Variants in KBTBD8 observed in about 807,000 individuals in gnomAD.
The protein encoded by KBTBD8 is kelch repeat and BTB domain-containing protein 8.
In KBTBD8, 31 loss-of-function variants were observed where a neutral mutation model predicts 53.5. That is an observed-to-expected ratio of 0.58 (90% CI 0.44 to 0.78). The LOEUF (loss-of-function observed/expected upper bound fraction) is 0.78, where lower values mean the gene tolerates loss of function less well. Among genes scored for constraint, KBTBD8 ranks in the 30% least tolerant of loss-of-function variants. KBTBD8 has a pLI of 0.00. For missense variants in KBTBD8, 642 were observed against 735.8 expected (o/e 0.87, Z 1.48); for synonymous variants, 250 against 247.3 (o/e 1.01, Z -0.10).
At chr3:67,001,000 GA>G (rs1292314430) in intron 2 of KBTBD8, among the ~76,000 whole-genome samples, 5 of 151,804 alleles carry the variant, frequency 3.3e-5, no homozygotes, top group African/African-American at 1.2e-4. Context: ...TGAAGACCTG[GA>G]AAAAAATTTT....
rs369968176 is a variant in KBTBD8, at chr3:67,010,330, C to A, written c.*1945C>A. 1 of 152,498 alleles carries A rather than the reference C, an allele frequency of 6.6e-6. No individual in the cohort carries two copies. 9.4% of individuals were successfully genotyped at this position (152,498 alleles called of 1,614,324 possible). Reference sequence around the variant, plus strand: ...TGAAAGCTTTGTTGAATAAGATTTCCTGCCGCTTTTTGACAATCTTGTGTA... The same window carrying A: ...TGAAAGCTTTGTTGAATAAGATTTCATGCCGCTTTTTGACAATCTTGTGTA... On this transcript the variant is annotated 3_prime_UTR_variant, in exon 4 of 4. Coordinates refer to ENST00000417314, the MANE Select transcript of KBTBD8 (RefSeq NM_032505.3).
chr3:67,005,635 C>T (rs1403133475), intron 3 of KBTBD8, among the ~76,000 whole-genome samples: 2 of 150,920 alleles, frequency 1.3e-5, no homozygotes, highest in South Asian at 2.1e-4. Flanking sequence ...TTTCTTCTTT[C>T]CCCTCCCCCT....
chr3:67,007,599 G>A (rs1051309038), intron 3 of KBTBD8, among the ~76,000 whole-genome samples: 1 of 152,058 alleles, frequency 6.6e-6, no homozygotes, highest in Non-Finnish European at 1.5e-5. Context: ...GATTACAGGC[G>A]TGAGCCACTG....
At position 67,008,152 on chromosome 3, in the gene KBTBD8, C is replaced by T. The variant is rs201286846; in HGVS notation, c.1573C>T (p.Leu525Phe). ...ATGTGATCAGTCCATAAATCCATAC[C>T]TTAAACTGGTACTTTTCCAGAACAA... ...FPCDQSINPY[L>F]KLVLFQNKLH... is the part of the protein sequence containing the mutation. Residue 525 changes from leucine to phenylalanine, a missense_variant, in exon 4 of 4, where the codon CTT becomes TTT. Coordinates refer to ENST00000417314, the MANE Select transcript of KBTBD8 (RefSeq NM_032505.3). The T allele has an allele frequency of 8.9e-5, 143 of 1,613,946 alleles. No homozygotes were observed. Among genetic ancestry groups the T allele is most frequent in the Middle Eastern group, 3.3e-4 (2 of 6,082 alleles).
At chr3:67,004,904 T>C (rs907012935) in intron 3 of KBTBD8, among the ~76,000 whole-genome samples, 3 of 152,250 alleles carry the variant, frequency 2.0e-5, no homozygotes, top group African/African-American at 7.2e-5. Context: ...CCTTTCATAA[T>C]ACATTTTCAA....
chr3:66,999,160 A>G lies in KBTBD8; in HGVS notation c.196A>G (p.Asn66Asp). ...DHGKTFSCHR[N>D]VLAAISPYFR... ...CGGGAAAACATTTTCCTGTCATAGA[A>G]ACGTTCTTGCTGCAATCAGCCCTTA... The change falls in exon 2 of 4, where the codon AAC becomes GAC. Residue 66 changes from asparagine (N) to aspartate (D), a missense_variant. Asn to Asp is a conservative substitution (Grantham distance 23). Transcript: ENST00000417314. The G allele has an allele frequency of 6.2e-7, 1 of 1,614,226 alleles. No homozygotes were observed. The highest frequency in any genetic ancestry group is 8.5e-7 in the Non-Finnish European group (1 of 1,180,032).
At position 67,003,991 on chromosome 3, in the gene KBTBD8, G is replaced by A; in HGVS notation, c.1024G>A (p.Gly342Arg). Residue 342 changes from glycine to arginine, a missense_variant, in exon 3 of 4, where the codon GGG (glycine) becomes AGG (arginine). Gly to Arg is a moderately radical substitution (Grantham distance 125). Transcript: ENST00000417314. Reference protein sequence around the residue: ...SPDNDIYIAGGYRPSSSEVSI... With the variant: ...SPDNDIYIAGRYRPSSSEVSI... ...AGATAATGACATTTACATTGCAGGA[G>A]GGTACAGGCCAAGCAGCAGTGAGGT... 5 of 1,614,156 alleles carry A rather than the reference G, an allele frequency of 3.1e-6. No homozygotes were observed. The highest frequency in any genetic ancestry group is 3.4e-6 in the Non-Finnish European group (4 of 1,180,016).
chr3:67,008,556 T>G lies in KBTBD8; in HGVS notation c.*171T>G. The G allele has an allele frequency of 1.9e-6, 1 of 524,856 alleles. No individual in the cohort carries two copies. The allele number at this position is 524,856 out of a possible 1,614,324, so 32.5% of individuals were successfully genotyped here. A position where few individuals can be genotyped will look rare whatever the true frequency, so the allele number is the denominator to read the frequency against. On this transcript the variant is annotated 3_prime_UTR_variant, in exon 4 of 4. Transcript: ENST00000417314. The stretch of plus-strand genomic sequence containing the variant: ...GGATTTTCCTTCATCCTTGTGACAT[T>G]TCATTTCAGTAAGGAAAAGATAACA...
chr3:66,998,367 G>A lies in KBTBD8; in HGVS notation c.12G>A (p.Ser4=). 1.5e-6 allele frequency: 2 copies of A among 1,295,046 alleles called. No homozygotes were observed. The highest frequency in any genetic ancestry group is 2.0e-6 in the Non-Finnish European group (2 of 1,012,762). The allele number at this position is 1,295,046 out of a possible 1,614,324, so 80.2% of individuals were successfully genotyped here. ...GGCCCCATCGAGAAATGGCCGCGTC[G>A]GCAGGTGGGTCGTGTGGTGGCCAGG... MAA[S]ADLSKSSPTP... The change falls in exon 1 of 4, where the codon TCG becomes TCA. Residue 4 remains serine (S), a synonymous_variant. Coordinates refer to ENST00000417314, the MANE Select transcript of KBTBD8 (RefSeq NM_032505.3).
intron 2 of KBTBD8, among the ~76,000 whole-genome samples, chr3:67,000,252 T>C (rs1029731991): frequency 3.3e-5 from 5 of 152,204 alleles, no homozygotes; most frequent in African/African-American, 1.2e-4. Context: ...GGGTAGGTCA[T>C]TGGACTACTA....
chr3:67,002,686 A>G (rs943840613), intron 2 of KBTBD8, among the ~76,000 whole-genome samples: 4 of 151,706 alleles, frequency 2.6e-5, no homozygotes, highest in African/African-American at 9.7e-5. Flanking sequence ...ATTTTAGTAG[A>G]GATGGGGTTT....
At chr3:67,006,550 T>A (rs867864063) in intron 3 of KBTBD8, among the ~76,000 whole-genome samples, 19 of 152,348 alleles carry the variant, frequency 1.2e-4, no homozygotes, top group African/African-American at 4.3e-4. Context: ...ACCTTATTTA[T>A]CGAGAATCCT....
chr3:66,999,855 T>C (rs1702001702), intron 2 of KBTBD8, among the ~76,000 whole-genome samples: 1 of 152,220 alleles, frequency 6.6e-6, no homozygotes, highest in Non-Finnish European at 1.5e-5. Context: ...ATATCCAAGA[T>C]TTCTAGAAGT....
chr3:67,004,611 G>A (rs533480959), intron 3 of KBTBD8, among the ~76,000 whole-genome samples: 3 of 152,218 alleles, frequency 2.0e-5, no homozygotes, highest in Non-Finnish European at 4.4e-5. Flanking sequence ...TCGGCATTTT[G>A]GGATAACTAT....
Position 67,009,082 on chromosome 3 carries a change from G to T in KBTBD8, c.*697G>T, listed in dbSNP as rs1171840527. 1 of 152,612 alleles carries T rather than the reference G, an allele frequency of 6.6e-6. No individual in the cohort carries two copies. Among genetic ancestry groups the T allele is most frequent in the Non-Finnish European group, 1.5e-5 (1 of 68,046 alleles). 9.5% of individuals were successfully genotyped at this position (152,612 alleles called of 1,614,324 possible). ...CTCTTTTGTGAAAATCTGGAAAAGT[G>T]CTCATATTCACAGGTGGCTGGTGCT... On this transcript the variant is annotated 3_prime_UTR_variant, in exon 4 of 4. Transcript: ENST00000417314.
intron 2 of KBTBD8, 140 bp downstream of exon 2, chr3:66,999,331 C>T: frequency 1.4e-6 from 1 of 732,852 alleles, no homozygotes; most frequent in Non-Finnish European, 2.3e-6. Context: ...GAAAACAAGT[C>T]CTCTCTTAAC....
Position 67,008,078 on chromosome 3 carries a change from A to G in KBTBD8, c.1499A>G (p.Glu500Gly), listed in dbSNP as rs1702085200. ...AATCATCAACGTATGTTTACTGTAG[A>G]AGCCTATGATATTGAGCTAAATAAA... ...CGNHQRMFTV[E>G]AYDIELNKWT... Residue 500 changes from glutamate to glycine, a missense_variant, in exon 4 of 4, where the codon GAA becomes GGA. By Grantham distance (98) the Glu-to-Gly change is moderately conservative. Coordinates refer to ENST00000417314, the MANE Select transcript of KBTBD8 (RefSeq NM_032505.3). 1.2e-6 allele frequency: 2 copies of G among 1,614,024 alleles called. No individual in the cohort carries two copies. The highest frequency in any genetic ancestry group is 1.7e-6 in the Non-Finnish European group (2 of 1,180,016).
At position 67,003,381 on chromosome 3, in the gene KBTBD8, A is replaced by G. The variant is rs766430559; in HGVS notation, c.414A>G (p.Gln138=). Residue 138 remains glutamine, a synonymous_variant, in exon 3 of 4, where the codon CAA becomes CAG. Coordinates refer to ENST00000417314, the MANE Select transcript of KBTBD8 (RefSeq NM_032505.3). ...SIFQIPSIQD[Q]CAKYMISHLD... Reference sequence around the variant, plus strand: ...TCCAGATTCCTTCCATCCAAGACCAATGTGCTAAGTATATGATCAGTCATT... The same window carrying G: ...TCCAGATTCCTTCCATCCAAGACCAGTGTGCTAAGTATATGATCAGTCATT... 32 of 1,614,014 alleles carry G rather than the reference A, an allele frequency of 2.0e-5. No individual in the cohort carries two copies. The Admixed American group carries it at 5.0e-4, about 25-fold the overall frequency.
At position 67,004,066 on chromosome 3, in the gene KBTBD8, A is replaced by G; in HGVS notation, c.1099A>G (p.Thr367Ala). ...TGATTTCTGGATGTATGATCATTCC[A>G]CCAATAGATGGCTATCCAAACCATC... Reference protein sequence around the residue: ...ENDFWMYDHSTNRWLSKPSLL... With the variant: ...ENDFWMYDHSANRWLSKPSLL... Residue 367 changes from threonine (T) to alanine (A), a missense_variant, in exon 3 of 4, where the codon ACC becomes GCC. Coordinates refer to ENST00000417314, the MANE Select transcript of KBTBD8 (RefSeq NM_032505.3). 1 of 1,614,192 alleles carries G rather than the reference A, an allele frequency of 6.2e-7. No individual in the cohort carries two copies.
Sources: allele counts gnomAD v4.1 joint callset (sites outside exome capture counted in the v4.1 genomes callset), GRCh38; gene constraint gnomAD v4.1.1; transcripts MANE v1.5; gene names NCBI Gene and HGNC (gene_info 2026-07-23, HGNC 2026-07-21).